The following NUMB variants were observed in gnomAD, a reference collection of about 807,000 sequenced individuals.
The protein encoded by NUMB is protein numb homolog.
Under a neutral mutation model 59.7 loss-of-function variants are expected in NUMB, and 29 were observed. The ratio of observed to expected loss-of-function variants is 0.49; its 90% CI spans 0.36 to 0.66. The LOEUF (loss-of-function observed/expected upper bound fraction) is 0.66, where lower values mean the gene tolerates loss of function less well. Among genes scored for constraint, NUMB ranks in the 30% least tolerant of loss-of-function variants. The pLI is 0.00. For synonymous variants in NUMB, 288 were observed against 288.2 expected (o/e 1.00, Z 0.01); for missense variants, 723 against 822.0 (o/e 0.88, Z 1.47).
chr14:73,280,386 T>G (rs977916641), intron 11 of NUMB, among the ~76,000 whole-genome samples: 4 of 151,452 alleles, frequency 2.6e-5, no homozygotes, highest in African/African-American at 9.7e-5. Context: ...ATTTCAACTT[T>G]TTTTGAAGGT....
chr14:73,289,961 G>A (rs569937922), intron 8 of NUMB, among the ~76,000 whole-genome samples: 1 of 152,312 alleles, frequency 6.6e-6, no homozygotes, highest in East Asian at 1.9e-4. Flanking sequence ...GAACATTTAA[G>A]TGCAAATTCT....
intron 2 of NUMB, among the ~76,000 whole-genome samples, chr14:73,388,011 AGAG>A (rs1327659647): frequency 5.3e-5 from 8 of 151,506 alleles, no homozygotes; most frequent in African/African-American, 1.2e-4. Flanking sequence ...TCCAGCTACT[AGAG>A]GAGGATGACT....
At chr14:73,302,046 G>A (rs989986508) in intron 6 of NUMB, among the ~76,000 whole-genome samples, 2 of 151,988 alleles carry the variant, frequency 1.3e-5, no homozygotes, top group Non-Finnish European at 2.9e-5. Flanking sequence ...TCACGCCACT[G>A]CACTCCTGCC....
At chr14:73,351,800 C>A (rs1401938604) in intron 4 of NUMB, among the ~76,000 whole-genome samples, 1 of 151,792 alleles carries the variant, frequency 6.6e-6, no homozygotes, top group Non-Finnish European at 1.5e-5. Context: ...CATGGTGAAA[C>A]CCCGTCTCTA....
intron 6 of NUMB, among the ~76,000 whole-genome samples, chr14:73,303,808 C>A (rs542114972): frequency 5.9e-5 from 9 of 151,916 alleles, no homozygotes; most frequent in African/African-American, 2.2e-4. Flanking sequence ...CAAAGAAAAC[C>A]GATCTAACAT....
intron 2 of NUMB, among the ~76,000 whole-genome samples, chr14:73,398,918 A>G (rs889034839): frequency 1.6e-4 from 24 of 152,210 alleles, no homozygotes; most frequent in African/African-American, 5.8e-4. Flanking sequence ...ACATATCAAT[A>G]GGATATATGC....
intron 2 of NUMB, among the ~76,000 whole-genome samples, chr14:73,405,868 T>C (rs934423924): frequency 6.6e-6 from 1 of 152,100 alleles, no homozygotes. Context: ...CCTCAACCTG[T>C]GTAGGTATGC....
At position 73,292,788 on chromosome 14, in the gene NUMB, A is replaced by G; in HGVS notation, c.396T>C (p.Arg132=). 1.9e-6 allele frequency: 3 copies of G among 1,614,240 alleles called. No individual in the cohort carries two copies. Among genetic ancestry groups the G allele is most frequent in the Non-Finnish European group, 2.5e-6 (3 of 1,180,044 alleles). Residue 132 remains arginine (R), a synonymous_variant, in exon 8 of 13, where the codon CGT becomes CGC. Transcript: ENST00000555238. ...AGATCCAGCGACGAGTGGTGCCATC[A>G]CGGCATATGTAAGAAAAGGCTCTAT... The part of the protein sequence containing the change: ...NFDRAFSYIC[R]DGTTRRWICH...
At chr14:73,428,632 A>C (rs1383318830) in intron 1 of NUMB, among the ~76,000 whole-genome samples, 1 of 152,144 alleles carries the variant, frequency 6.6e-6, no homozygotes, top group Non-Finnish European at 1.5e-5. Flanking sequence ...CCTCTAAAAA[A>C]AATTAAAAAT....
intron 6 of NUMB, among the ~76,000 whole-genome samples, chr14:73,300,371 A>T (rs1486621014): frequency 6.6e-6 from 1 of 152,072 alleles, no homozygotes; most frequent in South Asian, 2.1e-4. Context: ...GAGGAAATTC[A>T]CTCTGGAGAA....
At chr14:73,322,488 T>C (rs115099124) in intron 5 of NUMB, among the ~76,000 whole-genome samples, 50 of 152,146 alleles carry the variant, frequency 3.3e-4, no homozygotes, top group African/African-American at 1.1e-3. Context: ...GAGAAGAAAA[T>C]TGGGGAGTAG....
chr14:73,349,016 C>T (rs1170463634), intron 4 of NUMB, among the ~76,000 whole-genome samples: 2 of 152,196 alleles, frequency 1.3e-5, no homozygotes, highest in Non-Finnish European at 2.9e-5. Context: ...TATCTTCAAT[C>T]CTCCATATTC....
chr14:73,360,981 C>T (rs1209956732), intron 3 of NUMB, among the ~76,000 whole-genome samples: 1 of 152,062 alleles, frequency 6.6e-6, no homozygotes, highest in Non-Finnish European at 1.5e-5. Flanking sequence ...CTCAACCTCC[C>T]GGGCTCAAGC....
intron 4 of NUMB, among the ~76,000 whole-genome samples, chr14:73,345,500 A>G (rs1892869366): frequency 6.6e-6 from 1 of 152,234 alleles, no homozygotes; most frequent in Non-Finnish European, 1.5e-5. Flanking sequence ...AAAGATTTAA[A>G]AAAATCAATA....
intron 4 of NUMB, among the ~76,000 whole-genome samples, chr14:73,332,095 T>A (rs1358785137): frequency 6.6e-6 from 1 of 152,152 alleles, no homozygotes; most frequent in Non-Finnish European, 1.5e-5. Flanking sequence ...AGCTTCTCTT[T>A]CTGCTTTTTC....
intron 6 of NUMB, among the ~76,000 whole-genome samples, chr14:73,313,669 A>G (rs1379851086): frequency 2.7e-4 from 3 of 11,210 alleles, no homozygotes; most frequent in South Asian, 1.5e-3. Context: ...CCAAAATCTG[A>G]AAAAAAAAAA....
chr14:73,276,464 C>T lies in NUMB; in HGVS notation c.*114G>A, dbSNP rs1376643892. 3 of 781,772 alleles carry T rather than the reference C, an allele frequency of 3.8e-6. No homozygotes were observed. Among genetic ancestry groups the T allele is most frequent in the Non-Finnish European group, 6.1e-6 (3 of 492,730 alleles). 48.4% of individuals were successfully genotyped at this position (781,772 alleles called of 1,614,324 possible). A position where few individuals can be genotyped will look rare whatever the true frequency, so the allele number is the denominator to read the frequency against. ...TGGGCCTGGACTTGTTCCTTGGGAC[C>T]TTTGGGATTAGTGAAAAGAGTACTA... On this transcript the variant is annotated 3_prime_UTR_variant, in exon 13 of 13. Transcript: ENST00000555238.
intron 6 of NUMB, among the ~76,000 whole-genome samples, chr14:73,304,336 G>T (rs1363897704): frequency 6.6e-6 from 1 of 151,786 alleles, no homozygotes; most frequent in Admixed American, 6.6e-5. Flanking sequence ...TTAGAGACAG[G>T]GTCTTATTCT....
chr14:73,412,663 C>G (rs1469913140), intron 1 of NUMB, among the ~76,000 whole-genome samples: 1 of 150,556 alleles, frequency 6.6e-6, no homozygotes, highest in African/African-American at 2.4e-5. Flanking sequence ...GATGGGGTGT[C>G]TTGCTCTGTT....
Sources: gnomAD v4.1 joint callset for allele counts (sites outside exome capture counted in the v4.1 genomes callset) on GRCh38, gnomAD v4.1.1 for gene constraint, MANE v1.5 for transcripts, NCBI Gene and HGNC (gene_info 2026-07-23, HGNC 2026-07-21) for gene names.